CREBRF: variants seen among roughly 807,000 people sequenced by gnomAD.
CREBRF encodes the protein UPF0474 protein C5orf41.
A neutral mutation model predicts 66.1 loss-of-function variants in CREBRF; 5 were observed. The ratio of observed to expected loss-of-function variants is 0.08; its 90% CI spans 0.04 to 0.16. The LOEUF is 0.16. Ranked by LOEUF, CREBRF falls within the 10% of genes least tolerant of loss-of-function variation. CREBRF has a pLI of 1.00. For missense variants in CREBRF, 531 were observed against 744.9 expected (o/e 0.71, Z 3.34); for synonymous variants, 229 against 264.4 (o/e 0.87, Z 1.30).
rs141606089 is a variant in CREBRF at position 173,058,061 on chromosome 5, A to G, written c.-192+1582A>G. On this transcript the variant is annotated intron_variant, in intron 1 of 8. Transcript: ENST00000296953. ...TCTTTTTTTTTTTTTAAAGCAGAAA[A>G]CAAGACTTGGGTGTAAATCTTGTGA... Among the ~76,000 whole-genome samples, 642 of 152,090 alleles carry G rather than the reference A, an allele frequency of 4.2e-3. 12 individuals carry two copies. The highest frequency in any genetic ancestry group is 0.038 in the East Asian group (198 of 5,184).
chr5:173,090,821 G>A lies in CREBRF; in HGVS notation c.642G>A (p.Met214Ile). 6.2e-7 allele frequency: 1 copy of A among 1,614,060 alleles called. No homozygotes were observed. The highest frequency in any genetic ancestry group is 8.5e-7 in the Non-Finnish European group (1 of 1,180,012). ...AACCCACTTCAAGCACACAAATCAT[G>A]GTGAAGACCAACATGTATCATAATG... ...ASKPTSSTQI[M>I]VKTNMYHNEK... The change falls in exon 4 of 9, where the codon ATG (methionine) becomes ATA (isoleucine). Residue 214 changes from methionine (M) to isoleucine (I), a missense_variant. This residue lies in a region of CREBRF where 309 missense variants were observed against 341.4 expected (regional missense o/e 0.90). Coordinates refer to ENST00000296953, the MANE Select transcript of CREBRF (RefSeq NM_153607.3). This position sits in a 1 kb window ranked among gnomAD's most constrained non-coding sequence, Gnocchi z 4.5.
chr5:173,070,199 A>G (rs938216223), intron 1 of CREBRF, among the ~76,000 whole-genome samples: 1 of 152,106 alleles, frequency 6.6e-6, no homozygotes, highest in Non-Finnish European at 1.5e-5. Flanking sequence ...TTGCCCCTAC[A>G]GTAAATTTTG....
chr5:173,120,338 G>A (rs940764964), intron 7 of CREBRF, among the ~76,000 whole-genome samples: 19 of 151,328 alleles, frequency 1.3e-4, no homozygotes, highest in Admixed American at 3.3e-4. Flanking sequence ...AAGCTATTCA[G>A]ATGCTTTATT....
chr5:173,108,535 C>T, intron 4 of CREBRF, 89 bp from the exon 5 acceptor site: 4 of 1,099,526 alleles, frequency 3.6e-6, no homozygotes, highest in South Asian at 2.9e-5. Context: ...GGAAATATAC[C>T]AAGTTACAAA....
At chr5:173,078,189 T>C (rs1757826890) in intron 1 of CREBRF, among the ~76,000 whole-genome samples, 1 of 152,242 alleles carries the variant, frequency 6.6e-6, no homozygotes, top group Non-Finnish European at 1.5e-5. Flanking sequence ...ACAAGGGCTC[T>C]GATTTCTCTA....
At position 173,063,254 on chromosome 5, in the gene CREBRF, G is replaced by A. The variant is rs1757332344; in HGVS notation, c.-192+6775G>A. On this transcript the variant is annotated intron_variant, in intron 1 of 8. Coordinates refer to ENST00000296953, the MANE Select transcript of CREBRF (RefSeq NM_153607.3). ...TACTGCTTTCCGTACTTAACTCTTGGCAACATAAATCATCCTACACTCTGT... is the reference window on the plus strand; with the variant it reads ...TACTGCTTTCCGTACTTAACTCTTGACAACATAAATCATCCTACACTCTGT... Among the ~76,000 whole-genome samples, 5 of 152,058 alleles carry A rather than the reference G, an allele frequency of 3.3e-5. No homozygotes were observed. In the South Asian group the frequency reaches 1.0e-3, roughly 32 times the overall value.
chr5:173,090,714 A>G lies in CREBRF; in HGVS notation c.535A>G (p.Ser179Gly), dbSNP rs1339188020. Residue 179 changes from serine (S) to glycine (G), a missense_variant, in exon 4 of 9, where the codon AGC becomes GGC. By Grantham distance (56) the Ser-to-Gly change is moderately conservative. Transcript: ENST00000296953. The surrounding 1 kb of genome is among the most constrained non-coding windows in gnomAD (Gnocchi z 4.5). ...TTCATTCCCTGGTAAAAAGATCACAAGCAGAGCAGCTGCTCCTGTGTGTTC... is the reference window on the plus strand; with the variant it reads ...TTCATTCCCTGGTAAAAAGATCACAGGCAGAGCAGCTGCTCCTGTGTGTTC... The part of the protein sequence containing the change: ...PSSFPGKKIT[S>G]RAAAPVCSSK... The G allele has an allele frequency of 6.2e-7, 1 of 1,614,180 alleles. No individual in the cohort carries two copies. Among genetic ancestry groups the G allele is most frequent in the Non-Finnish European group, 8.5e-7 (1 of 1,180,030 alleles).
intron 2 of CREBRF, chr5:173,085,518 GC>G: frequency 5.6e-6 from 3 of 535,788 alleles, no homozygotes. Context: ...CCAGGTTCAA[GC>G]GATTCTCCTA....
At chr5:173,081,331 C>A (rs1219892193) in intron 2 of CREBRF, among the ~76,000 whole-genome samples, 2 of 152,120 alleles carry the variant, frequency 1.3e-5, no homozygotes, top group East Asian at 3.8e-4. Flanking sequence ...CTGAATTGAT[C>A]AGTTTTGGTT....
At chr5:173,064,628 A>G (rs1398280904) in intron 1 of CREBRF, among the ~76,000 whole-genome samples, 1 of 149,610 alleles carries the variant, frequency 6.7e-6, no homozygotes, top group East Asian at 2.0e-4. Flanking sequence ...GCAATGGCAC[A>G]ATCTCGGCTT....
intron 7 of CREBRF, among the ~76,000 whole-genome samples, chr5:173,115,731 A>G (rs1758973338): frequency 1.3e-5 from 2 of 151,974 alleles, no homozygotes; most frequent in Non-Finnish European, 2.9e-5. Flanking sequence ...TCCGCCTCCC[A>G]GTAGCTGGGA....
chr5:173,092,223 CTATT>C (rs1758361469), intron 4 of CREBRF: 1 of 967,400 alleles, frequency 1.0e-6, no homozygotes, highest in Non-Finnish European at 1.2e-6. Flanking sequence ...CCAACAAAGT[CTATT>C]TATGAATAAT....
intron 1 of CREBRF, among the ~76,000 whole-genome samples, chr5:173,065,977 CTTTAT>C (rs1757426482): frequency 6.6e-6 from 1 of 151,984 alleles, no homozygotes; most frequent in African/African-American, 2.4e-5. Flanking sequence ...TTTTTATTTG[CTTTAT>C]TTTATTTTTT....
At chr5:173,106,182 C>G (rs1201212456) in intron 4 of CREBRF, among the ~76,000 whole-genome samples, 4 of 151,726 alleles carry the variant, frequency 2.6e-5, no homozygotes, top group Admixed American at 2.0e-4. Flanking sequence ...GTAATCCCAG[C>G]GCTTTGGGAG....
At chr5:173,086,707 GAAAA>G (rs938957069) in intron 3 of CREBRF, 81 bp downstream of exon 3, 1 of 1,214,938 alleles carries the variant, frequency 8.2e-7, no homozygotes, top group Non-Finnish European at 1.1e-6. Context: ...ATAAATGCCT[GAAAA>G]AAAAAGATGT....
At chr5:173,132,080 T>C (rs1199075673) in intron 8 of CREBRF, among the ~76,000 whole-genome samples, 1 of 138,272 alleles carries the variant, frequency 7.2e-6, no homozygotes, top group African/African-American at 2.6e-5. Context: ...ATGACAAATA[T>C]ATTTCTTTTT....
chr5:173,113,644 T>C (rs539503217), intron 7 of CREBRF, among the ~76,000 whole-genome samples: 1 of 152,298 alleles, frequency 6.6e-6, no homozygotes, highest in African/African-American at 2.4e-5. Flanking sequence ...CTAGCACTTA[T>C]TCAGGAACTA....
At chr5:173,077,907 T>C in intron 1 of CREBRF, among the ~76,000 whole-genome samples, 1 of 152,232 alleles carries the variant, frequency 6.6e-6, no homozygotes, top group Non-Finnish European at 1.5e-5. Context: ...ATTTCATTCA[T>C]TTTCATGGCT....
At chr5:173,062,779 G>A (rs545159721) in intron 1 of CREBRF, among the ~76,000 whole-genome samples, 1 of 118,900 alleles carries the variant, frequency 8.4e-6, no homozygotes, top group East Asian at 2.3e-4. Context: ...ACGGAGTCTT[G>A]CTCTGTCGCC....
Sources: gnomAD v4.1 joint callset for allele counts (sites outside exome capture counted in the v4.1 genomes callset) on GRCh38, gnomAD v4.1.1 for gene constraint, gnomAD v4.1.1 regional missense constraint, Gnocchi (gnomAD v3.1) non-coding constraint, MANE v1.5 for transcripts, NCBI Gene and HGNC (gene_info 2026-07-23, HGNC 2026-07-21) for gene names.